PMPCB: variants seen among roughly 807,000 people sequenced by gnomAD.
PMPCB encodes the protein peptidase, mitochondrial processing subunit beta, also known as mitochondrial-processing peptidase subunit beta.
In PMPCB, 46 loss-of-function variants were observed where a neutral mutation model predicts 61.5. That is an observed-to-expected ratio of 0.75 (90% confidence interval 0.59 to 0.96). PMPCB has a LOEUF of 0.96. PMPCB is among the 40% of genes least tolerant of loss of function. The pLI is 0.00. For synonymous variants in PMPCB, 191 were observed against 201.6 expected, an observed-to-expected ratio of 0.95 and a Z score of 0.44; for missense variants, 590 against 602.4, an observed-to-expected ratio of 0.98 and a Z score of 0.22.
chr7:103,327,638 T>C, intron 12 of PMPCB: 1 of 1,501,114 alleles, frequency 6.7e-7, no homozygotes, highest in Non-Finnish European at 9.2e-7. Context: ...AATTCCTGAC[T>C]CTAAAGCATT....
Position 103,311,521 on chromosome 7 carries a change from G to C in PMPCB, c.1155-122G>C, listed in dbSNP as rs1043103017. On this transcript the variant is annotated intron_variant, in intron 9 of 12. Transcript: ENST00000249269. ...AAATAATCATTTTAGCTTTTGCTTA[G>C]CATTGGAATTAAATTGTAATCACCT... 8.5e-5 allele frequency: 57 copies of C among 671,234 alleles called. 1 individual carries two copies. In the East Asian group the frequency reaches 1.5e-3, roughly 17 times the overall value. The allele number at this position is 671,234 out of a possible 1,614,324, so 41.6% of individuals were successfully genotyped here. A position where few individuals can be genotyped will look rare whatever the true frequency, so the allele number is the denominator to read the frequency against.
intron 8 of PMPCB, 35 bp from the exon 9 acceptor site, chr7:103,310,280 A>AT: frequency 2.5e-6 from 4 of 1,571,270 alleles, no homozygotes; most frequent in Non-Finnish European, 3.5e-6. Flanking sequence ...GACATGTATA[A>AT]TTAAAATTCT....
chr7:103,334,493 T>A (rs994453429), downstream of PMPCB, among the ~76,000 whole-genome samples: 1 of 151,658 alleles, frequency 6.6e-6, no homozygotes, highest in Non-Finnish European at 1.5e-5. Flanking sequence ...GGAGAACCAC[T>A]TGAACCCTGG....
chr7:103,339,244 A>C, the PMPCB span, among the ~76,000 whole-genome samples: 370 of 152,354 alleles, frequency 2.4e-3, 4 homozygotes, highest in African/African-American at 8.6e-3. Flanking sequence ...CTTGACACCT[A>C]GAACAGTATC....
chr7:103,297,735 G>T, intron 1 of PMPCB, 177 bp downstream of exon 1: 1 of 1,534,092 alleles, frequency 6.5e-7, no homozygotes, highest in Non-Finnish European at 8.7e-7. Flanking sequence ...CTGGCTTGTG[G>T]CCACCCGCCA....
chr7:103,303,400 C>T (rs10250825), intron 4 of PMPCB, among the ~76,000 whole-genome samples: 3,097 of 152,304 alleles, frequency 0.02, 134 homozygotes, highest in African/African-American at 0.07. Flanking sequence ...GTGTGAGCCA[C>T]GGTGCCTGAC....
At chr7:103,342,508 T>A in the PMPCB span, among the ~76,000 whole-genome samples, 1 of 152,066 alleles carries the variant, frequency 6.6e-6, no homozygotes, top group African/African-American at 2.4e-5. Context: ...TTTCTCCATG[T>A]TGGTCAGCCT....
chr7:103,334,855 A>G, the PMPCB span, among the ~76,000 whole-genome samples: 1 of 152,168 alleles, frequency 6.6e-6, no homozygotes, highest in Non-Finnish European at 1.5e-5. Context: ...GCATTTTTTG[A>G]GGCAGTTTCC....
intron 12 of PMPCB, chr7:103,322,687 A>G (rs371651822): frequency 1.4e-5 from 23 of 1,612,692 alleles, no homozygotes; most frequent in African/African-American, 2.7e-5. Context: ...AGGGGACTTA[A>G]ATCAATTCTA....
At chr7:103,337,735 C>T in the PMPCB span, 1 of 1,610,676 alleles carries the variant, frequency 6.2e-7, no homozygotes, top group Non-Finnish European at 8.5e-7. Flanking sequence ...TAAGTACTTA[C>T]GAGCTGCTTT....
the PMPCB span, chr7:103,341,859 C>G: frequency 6.2e-7 from 1 of 1,613,114 alleles, no homozygotes; most frequent in Non-Finnish European, 8.5e-7. Flanking sequence ...TTCTTATCCT[C>G]CAGTTCCTGA....
the PMPCB span, among the ~76,000 whole-genome samples, chr7:103,340,224 T>G: frequency 1.3e-5 from 2 of 152,234 alleles, no homozygotes; most frequent in Admixed American, 1.3e-4. Context: ...ACAAAGTGTC[T>G]TTTTCTTTGT....
In PMPCB at chr7:103,324,225, C is replaced by G. The variant is rs549523505; in HGVS notation, c.*1432-4706C>G. 2.0e-5 allele frequency among the ~76,000 whole-genome samples: 3 copies of G among 152,194 alleles called. No individual in the cohort carries two copies. In the East Asian group the frequency reaches 5.8e-4, roughly 29 times the overall value. On this transcript the variant is annotated intron_variant and NMD_transcript_variant, in intron 12 of 12. Transcript: ENST00000444457. Reference sequence around the variant, plus strand: ...CTCAAGTACTTTTAGTAGGAAGTAACTAAATAAAAATGTACTTATTTTTAT... The same window carrying G: ...CTCAAGTACTTTTAGTAGGAAGTAAGTAAATAAAAATGTACTTATTTTTAT...
downstream of PMPCB, chr7:103,314,733 A>G: frequency 1.3e-6 from 1 of 757,144 alleles, no homozygotes; most frequent in Non-Finnish European, 1.6e-6. Flanking sequence ...CCTCCCCTAT[A>G]TTAACACTGT....
intron 1 of PMPCB, 40 bp downstream of exon 1, chr7:103,297,598 G>C (rs370870384): frequency 6.2e-7 from 1 of 1,610,050 alleles, no homozygotes; most frequent in African/African-American, 1.3e-5. Context: ...TCGAGATCTC[G>C]CCAGACCCGG....
At position 103,312,564 on chromosome 7, in the gene PMPCB, G is replaced by A; in HGVS notation, c.*293G>A. ...ATTATAAAAATGCACACACAACAAA[G>A]ATTGTCATTTCTTGGCTCTACTTGC... On this transcript the variant is annotated 3_prime_UTR_variant, in exon 13 of 13. Transcript: ENST00000249269. 6.2e-7 allele frequency: 1 copy of A among 1,610,716 alleles called. No homozygotes were observed. The highest frequency in any genetic ancestry group is 8.5e-7 in the Non-Finnish European group (1 of 1,179,124).
chr7:103,316,318 G>A (rs1818052818), downstream of PMPCB: 3 of 352,272 alleles, frequency 8.5e-6, no homozygotes, highest in South Asian at 1.8e-4. Context: ...ACATCTTACA[G>A]ATTTGGTGTA....
chr7:103,330,795 T>A (rs1213273495), downstream of PMPCB, among the ~76,000 whole-genome samples: 3 of 151,338 alleles, frequency 2.0e-5, no homozygotes, highest in African/African-American at 7.3e-5. Flanking sequence ...TTGGCCAGGC[T>A]GGTCTTGAAC....
At chr7:103,324,044 C>G (rs1376744902) in intron 12 of PMPCB, among the ~76,000 whole-genome samples, 1 of 152,078 alleles carries the variant, frequency 6.6e-6, no homozygotes, top group African/African-American at 2.4e-5. Context: ...AGAACTAAAT[C>G]TTGTTATTTT....
Sources: gnomAD v4.1 joint callset for allele counts (sites outside exome capture counted in the v4.1 genomes callset) on GRCh38, gnomAD v4.1.1 for gene constraint, MANE v1.5 for transcripts, NCBI Gene and HGNC (gene_info 2026-07-23, HGNC 2026-07-21) for gene names.